PCDHA6: variants seen among roughly 807,000 people sequenced by gnomAD.
The protein encoded by PCDHA6 is protocadherin alpha 6.
PCDHA6 carries 55 observed loss-of-function variants against 60.3 expected under a neutral mutation model. The ratio of observed to expected loss-of-function variants is 0.91; its 90% CI spans 0.73 to 1.14. The LOEUF is 1.14. Ranked by LOEUF, PCDHA6 falls within the 50% of genes most tolerant of loss-of-function variation. The probability of loss-of-function intolerance (pLI) is 0.00; values close to 1 mark genes in which losing one functional copy is unlikely to be tolerated. For synonymous variants in PCDHA6, 652 were observed against 557.9 expected, an observed-to-expected ratio of 1.17 and a Z score of -2.38; for missense variants, 1,327 against 1,256.5, an observed-to-expected ratio of 1.06 and a Z score of -0.85.
chr5:140,962,008 C>T (rs1363169601), intron 1 of PCDHA6, among the ~76,000 whole-genome samples: 5 of 152,088 alleles, frequency 3.3e-5, no homozygotes, highest in South Asian at 2.1e-4. Context: ...CTCAGCTTCC[C>T]GAGTAGCTGG....
intron 3 of PCDHA6, among the ~76,000 whole-genome samples, chr5:140,997,698 ATGTT>A (rs1297045627): frequency 1.4e-5 from 2 of 145,558 alleles, no homozygotes; most frequent in African/African-American, 5.1e-5. Flanking sequence ...GTGTGTGTGT[ATGTT>A]AACAAACACC....
chr5:140,967,889 C>T, intron 1 of PCDHA6: 1 of 1,614,146 alleles, frequency 6.2e-7, no homozygotes, highest in Non-Finnish European at 8.5e-7. Context: ...TAGCCCAGTG[C>T]CTGAGAATGC....
At chr5:140,850,010 G>C in intron 1 of PCDHA6, 1 of 1,597,002 alleles carries the variant, frequency 6.3e-7, no homozygotes. Flanking sequence ...GCTCGCTGTC[G>C]AGCTACGTGT....
intron 1 of PCDHA6, among the ~76,000 whole-genome samples, chr5:140,833,272 CTTAT>C (rs1464609454): frequency 1.3e-5 from 2 of 152,102 alleles, no homozygotes; most frequent in Non-Finnish European, 2.9e-5. Flanking sequence ...ATTATAAAAA[CTTAT>C]TTAGGAAAGC....
intron 1 of PCDHA6, chr5:140,877,631 C>T: frequency 6.2e-7 from 1 of 1,613,768 alleles, no homozygotes; most frequent in Non-Finnish European, 8.5e-7. Context: ...CTGTACACTG[C>T]GCTGCGTTGC....
chr5:140,920,854 A>C (rs1369314704), intron 1 of PCDHA6, among the ~76,000 whole-genome samples: 1 of 152,006 alleles, frequency 6.6e-6, no homozygotes, highest in East Asian at 1.9e-4. Context: ...AAAAAAAAAA[A>C]AAAACAAACA....
intron 3 of PCDHA6, among the ~76,000 whole-genome samples, chr5:140,993,229 C>T (rs1396962894): frequency 6.6e-6 from 1 of 152,092 alleles, no homozygotes; most frequent in Non-Finnish European, 1.5e-5. Flanking sequence ...GGTATGTTCT[C>T]TCTGAATCTG....
At chr5:140,858,843 T>C (rs1373810997) in intron 1 of PCDHA6, 2 of 313,860 alleles carry the variant, frequency 6.4e-6, no homozygotes, top group Non-Finnish European at 1.2e-5. Context: ...AAAATTCCAC[T>C]GATCTATATC....
At chr5:141,003,616 G>A (rs1360535833) in intron 3 of PCDHA6, among the ~76,000 whole-genome samples, 1 of 152,132 alleles carries the variant, frequency 6.6e-6, no homozygotes, top group African/African-American at 2.4e-5. Flanking sequence ...CCCGGCCCCA[G>A]AGGGCAGTTT....
chr5:140,841,385 G>A, intron 1 of PCDHA6: 1 of 1,613,440 alleles, frequency 6.2e-7, no homozygotes, highest in Non-Finnish European at 8.5e-7. Flanking sequence ...TCTGCTCCTC[G>A]CAGCCTGGAA....
rs2150434628 is a variant in PCDHA6, at chr5:140,849,311, C to T, written c.2394+18826C>T. On this transcript the variant is annotated intron_variant, in intron 1 of 3. Transcript: ENST00000529310. ...CCAATGCCTCAGATTTAGACGAAGGCTTGAATGGGGATATTATTTACTCCT... is the reference window on the plus strand; with the variant it reads ...CCAATGCCTCAGATTTAGACGAAGGTTTGAATGGGGATATTATTTACTCCT... 446 of 1,312,408 alleles carry T rather than the reference C, an allele frequency of 3.4e-4. 16 individuals carry two copies. The African/African-American group carries it at 6.8e-3, about 20-fold the overall frequency. 81.3% of individuals were successfully genotyped at this position (1,312,408 alleles called of 1,614,324 possible). A position where few individuals can be genotyped will look rare whatever the true frequency, so the allele number is the denominator to read the frequency against.
At chr5:140,918,694 T>C (rs1260893633) in intron 1 of PCDHA6, among the ~76,000 whole-genome samples, 2 of 152,186 alleles carry the variant, frequency 1.3e-5, no homozygotes, top group Non-Finnish European at 2.9e-5. Flanking sequence ...CAAACATAAT[T>C]AAGTCATGAG....
chr5:140,852,816 A>C, intron 1 of PCDHA6: 2 of 972,756 alleles, frequency 2.1e-6, no homozygotes, highest in Non-Finnish European at 1.2e-6. Flanking sequence ...CTCCCGCCCT[A>C]AGTCCTCCAG....
intron 1 of PCDHA6, chr5:140,841,773 G>T (rs1292935559): frequency 6.2e-7 from 1 of 1,613,894 alleles, no homozygotes; most frequent in Admixed American, 1.7e-5. Flanking sequence ...CCAGACTCTC[G>T]GTTTCCGCTA....
intron 1 of PCDHA6, among the ~76,000 whole-genome samples, chr5:140,941,026 C>T (rs1330663914): frequency 6.6e-6 from 1 of 152,066 alleles, no homozygotes; most frequent in Admixed American, 6.5e-5. Flanking sequence ...TTCCTTCTGG[C>T]CTTTTTGGTG....
chr5:140,843,293 G>T, intron 1 of PCDHA6: 1 of 1,595,972 alleles, frequency 6.3e-7, no homozygotes, highest in East Asian at 2.2e-5. Context: ...TGGTGAACCT[G>T]CGCTGACCGC....
In PCDHA6 at chr5:140,846,371, T is replaced by C. The variant is rs1395202174; in HGVS notation, c.2394+15886T>C. On this transcript the variant is annotated intron_variant, in intron 1 of 3. Transcript: ENST00000529310. ...CTCTTTTTTCTTTTCTTTTCTTTCTTTCTTTTTTTTTTTTTTTTTTTGAGA... is the reference window on the plus strand; with the variant it reads ...CTCTTTTTTCTTTTCTTTTCTTTCTCTCTTTTTTTTTTTTTTTTTTTGAGA... Among the ~76,000 whole-genome samples the C allele has an allele frequency of 3.6e-5, 4 of 111,996 alleles. 2 individuals carry two copies. Among genetic ancestry groups the C allele is most frequent in the Non-Finnish European group, 7.2e-5 (4 of 55,194 alleles). 73.5% of individuals were successfully genotyped at this position (111,996 alleles called of 152,430 possible).
At chr5:140,985,982 G>A (rs1380609067) in intron 3 of PCDHA6, among the ~76,000 whole-genome samples, 3 of 151,940 alleles carry the variant, frequency 2.0e-5, no homozygotes, top group East Asian at 1.9e-4. Flanking sequence ...CTCGTGATCC[G>A]CCCACCTCAG....
At position 140,857,907 on chromosome 5, in the gene PCDHA6, C is replaced by T. The variant is rs1250345336; in HGVS notation, c.2394+27422C>T. 3.1e-6 allele frequency: 5 copies of T among 1,597,680 alleles called. No homozygotes were observed. Among genetic ancestry groups the T allele is most frequent in the Admixed American group, 1.7e-5 (1 of 59,240 alleles). Reference sequence around the variant, plus strand: ...TCGGCGGCGGTTGGTGCACGCATCCCGTTTCGCGTGGGGCTGTACACGGGC... The same window carrying T: ...TCGGCGGCGGTTGGTGCACGCATCCTGTTTCGCGTGGGGCTGTACACGGGC... On this transcript the variant is annotated intron_variant, in intron 1 of 3. Transcript: ENST00000529310.
Sources: allele counts gnomAD v4.1 joint callset (sites outside exome capture counted in the v4.1 genomes callset), GRCh38; gene constraint gnomAD v4.1.1; transcripts MANE v1.5; gene names NCBI Gene and HGNC (gene_info 2026-07-23, HGNC 2026-07-21).